Variants in RAX observed in about 807,000 individuals in gnomAD.
RAX encodes the protein retina and anterior neural fold homeobox.
RAX carries 11 observed loss-of-function variants against 17.4 expected under a neutral mutation model. That is an observed-to-expected ratio of 0.63 (90% CI 0.40 to 1.05). RAX has a LOEUF of 1.05. Among genes scored for constraint, RAX ranks in the 50% least tolerant of loss-of-function variants. The pLI is 0.00. For synonymous variants in RAX, 276 were observed against 254.7 expected (o/e 1.08, Z -0.80); for missense variants, 527 against 501.1 (o/e 1.05, Z -0.49).
intron 1 of RAX, 71 bp from the exon 2 acceptor site, chr18:59,272,685 T>C: frequency 6.6e-7 from 1 of 1,514,764 alleles, no homozygotes. Context: ...CGCCTCGCTG[T>C]GGGCACTGGC....
In RAX at chr18:59,273,009, C is replaced by T. The variant is rs892784454; in HGVS notation, c.198G>A (p.Arg66=). ...GARGAKERDR[R]LGARPACPKA... ...TGGGGCAGGCGGGCCGCGCGCCCAG[C>T]CTCCTATCCCGCTCCTTCGCGCCCC... is the stretch of plus-strand genomic sequence containing the variant. Residue 66 remains arginine, a synonymous_variant, in exon 1 of 3, where the codon AGG becomes AGA. Coordinates refer to ENST00000334889, the MANE Select transcript of RAX (RefSeq NM_013435.3). The T allele has an allele frequency of 2.1e-4, 316 of 1,527,908 alleles. No individual in the cohort carries two copies. Among genetic ancestry groups the T allele is most frequent in the Non-Finnish European group, 2.6e-4 (302 of 1,144,226 alleles). 94.6% of individuals were successfully genotyped at this position (1,527,908 alleles called of 1,614,324 possible).
In RAX at chr18:59,268,626, T is replaced by G; in HGVS notation, c.*378A>C. On this transcript the variant is annotated 3_prime_UTR_variant, in exon 3 of 3. Transcript: ENST00000334889. The surrounding 1 kb of genome is among the most constrained non-coding windows in gnomAD (Gnocchi z 4.4). Reference sequence around the variant, plus strand: ...TTCCGCCTCCCCTGCTTCCCTGTTATGGTTATCTGGGGGTCTCCAAGCCTC... The same window carrying G: ...TTCCGCCTCCCCTGCTTCCCTGTTAGGGTTATCTGGGGGTCTCCAAGCCTC... 8.5e-6 allele frequency: 3 copies of G among 353,596 alleles called. No homozygotes were observed. Among genetic ancestry groups the G allele is most frequent in the Non-Finnish European group, 1.5e-5 (3 of 194,168 alleles). The allele number at this position is 353,596 out of a possible 1,614,324, so 21.9% of individuals were successfully genotyped here. A position where few individuals can be genotyped will look rare whatever the true frequency, so the allele number is the denominator to read the frequency against.
chr18:59,269,303 G>A lies in RAX; in HGVS notation c.742C>T (p.Pro248Ser). The A allele has an allele frequency of 7.8e-7, 1 of 1,284,948 alleles. No individual in the cohort carries two copies. Among genetic ancestry groups the A allele is most frequent in the Non-Finnish European group, 9.8e-7 (1 of 1,022,242 alleles). 79.6% of individuals were successfully genotyped at this position (1,284,948 alleles called of 1,614,324 possible). ...ALPLESWLGP[P>S]LPGGGATALQ... The stretch of plus-strand genomic sequence containing the variant: ...GCCGTGGCGCCCCCGCCCGGCAGCG[G>A]CGGCCCGAGCCAGGACTCCAGCGGC... Residue 248 changes from proline to serine, a missense_variant, in exon 3 of 3, where the codon CCG becomes TCG. Coordinates refer to ENST00000334889, the MANE Select transcript of RAX (RefSeq NM_013435.3).
At chr18:59,272,736 T>G (rs1363906602) in intron 1 of RAX, 122 bp from the exon 2 acceptor site, 4 of 1,409,750 alleles carry the variant, frequency 2.8e-6, no homozygotes, top group Non-Finnish European at 3.7e-6. Flanking sequence ...GGGAGGTCCG[T>G]GGTGAGGGCG....
At position 59,269,247 on chromosome 18, in the gene RAX, C is replaced by G; in HGVS notation, c.798G>C (p.Pro266=). Residue 266 remains proline (P), a synonymous_variant, in exon 3 of 3, where the codon CCG becomes CCC. Coordinates refer to ENST00000334889, the MANE Select transcript of RAX (RefSeq NM_013435.3). ...ALQSLPGFGP[P]AQSLPASYTP... ...TGTAGCTGGCAGGCAGGCTCTGCGC[C>G]GGCGGCCCGAAGCCCGGCAGGCTCT... The G allele has an allele frequency of 6.7e-7, 1 of 1,503,470 alleles. No individual in the cohort carries two copies. The highest frequency in any genetic ancestry group is 8.8e-7 in the Non-Finnish European group (1 of 1,133,472). The allele number at this position is 1,503,470 out of a possible 1,614,324, so 93.1% of individuals were successfully genotyped here.
Position 59,273,200 on chromosome 18 carries a change from G to A in RAX, c.7C>T (p.Leu3=). ...GCCATGGCTGGCGCGCAGCCCGGCAGGTGCATGGGGAGCGCCGGGAGGCGG... is the reference window on the plus strand; with the variant it reads ...GCCATGGCTGGCGCGCAGCCCGGCAAGTGCATGGGGAGCGCCGGGAGGCGG... MH[L]PGCAPAMADG... is the part of the protein sequence containing the mutation. Residue 3 remains leucine, a synonymous_variant, in exon 1 of 3, where the codon CTG becomes TTG. Coordinates refer to ENST00000334889, the MANE Select transcript of RAX (RefSeq NM_013435.3). The A allele has an allele frequency of 1.3e-6, 2 of 1,527,490 alleles. No homozygotes were observed. The highest frequency in any genetic ancestry group is 1.8e-6 in the Non-Finnish European group (2 of 1,142,670). The allele number at this position is 1,527,490 out of a possible 1,614,324, so 94.6% of individuals were successfully genotyped here.
chr18:59,272,660 C>A, intron 1 of RAX, 46 bp from the exon 2 acceptor site: 3 of 1,561,978 alleles, frequency 1.9e-6, no homozygotes, highest in Non-Finnish European at 2.6e-6. Flanking sequence ...CCCCAAAACA[C>A]CCTTGGGCCG....
At position 59,272,374 on chromosome 18, in the gene RAX, T is replaced by C. The variant is rs745752090; in HGVS notation, c.530A>G (p.Glu177Gly). 2 of 1,614,218 alleles carry C rather than the reference T, an allele frequency of 1.2e-6. No individual in the cohort carries two copies. The highest frequency in any genetic ancestry group is 1.7e-6 in the Non-Finnish European group (2 of 1,180,044). ...EELAGKVNLP[E>G]VRVQVWFQNR... The stretch of plus-strand genomic sequence containing the variant: ...TGGGCGCTTTACCTGGACCCGGACC[T>C]CTGGTAGGTTGACCTTGCCGGCCAG... The change falls in exon 2 of 3, where the codon GAG becomes GGG. Residue 177 changes from glutamate (E) to glycine (G), a missense_variant. Coordinates refer to ENST00000334889, the MANE Select transcript of RAX (RefSeq NM_013435.3).
intron 2 of RAX, among the ~76,000 whole-genome samples, chr18:59,271,206 A>G (rs1447627988): frequency 6.6e-6 from 1 of 152,248 alleles, no homozygotes. Flanking sequence ...GTAATGAGGG[A>G]GGATGCAGGT....
At position 59,269,205 on chromosome 18, in the gene RAX, A is replaced by AGGCGGC. The variant is rs775122318; in HGVS notation, c.834_839dup (p.Pro281_Pro282dup). The AGGCGGC allele has an allele frequency of 1.3e-6, 2 of 1,535,368 alleles. No homozygotes were observed. The highest frequency in any genetic ancestry group is 2.5e-5 in the East Asian group (1 of 40,254). ...ACGGCGGGGAGTTCAGGAAGGGCGGAGGCGGCGGCGGTGGCGTGTAGCTGG... is the reference window on the plus strand; with the variant it reads ...ACGGCGGGGAGTTCAGGAAGGGCGGAGGCGGCGGCGGCGGCGGTGGCGTGTAGCTGG... On this transcript the variant is annotated inframe_insertion, in exon 3 of 3. Transcript: ENST00000334889.
chr18:59,268,615 CT>C lies in RAX; in HGVS notation c.*388del. The C allele has an allele frequency of 3.1e-6, 1 of 323,394 alleles. No individual in the cohort carries two copies. Among genetic ancestry groups the C allele is most frequent in the Non-Finnish European group, 5.7e-6 (1 of 176,000 alleles). The allele number at this position is 323,394 out of a possible 1,614,324, so 20.0% of individuals were successfully genotyped here. On this transcript the variant is annotated 3_prime_UTR_variant, in exon 3 of 3. Coordinates refer to ENST00000334889, the MANE Select transcript of RAX (RefSeq NM_013435.3). The surrounding 1 kb of genome is among the most constrained non-coding windows in gnomAD (Gnocchi z 4.4). The stretch of plus-strand genomic sequence containing the variant: ...AAACTCTATTTTTCCGCCTCCCCTG[CT>C]TCCCTGTTATGGTTATCTGGGGGTC...
intron 2 of RAX, 104 bp from the exon 3 acceptor site, chr18:59,269,605 A>G: frequency 7.6e-7 from 1 of 1,321,478 alleles, no homozygotes; most frequent in Non-Finnish European, 1.0e-6. Flanking sequence ...GTCCCCCTCA[A>G]ATAAAACTAG....
At position 59,269,553 on chromosome 18, in the gene RAX, G is replaced by A. The variant is rs527545577; in HGVS notation, c.544-52C>T. ...GGGCAGCAGCGGAGGCTGCGGCCGC[G>A]TCCCCAACCCTGAGCCGGTTCAGCT... On this transcript the variant is annotated intron_variant, in intron 2 of 2. Transcript: ENST00000334889. 255 of 1,583,998 alleles carry A rather than the reference G, an allele frequency of 1.6e-4. 2 individuals are homozygous for A. The East Asian group carries it at 5.6e-3, about 35-fold the overall frequency.
At position 59,268,841 on chromosome 18, in the gene RAX, G is replaced by T. The variant is rs572356915; in HGVS notation, c.*163C>A. ...AGGCCTGAAAGTCGCCCTTCTCCCC[G>T]TGCATCGGGAGCAGGCGCGTGGCCC... On this transcript the variant is annotated 3_prime_UTR_variant, in exon 3 of 3. Transcript: ENST00000334889. This position sits in a 1 kb window ranked among gnomAD's most constrained non-coding sequence, Gnocchi z 4.4. The T allele has an allele frequency of 3.3e-6, 4 of 1,197,814 alleles. No homozygotes were observed. In the African/African-American group the frequency reaches 4.5e-5, roughly 14 times the overall value. The allele number at this position is 1,197,814 out of a possible 1,614,324, so 74.2% of individuals were successfully genotyped here.
chr18:59,269,081 T>TG lies in RAX; in HGVS notation c.963dup (p.Asn322GlnfsTer165). The TG allele has an allele frequency of 6.2e-7, 1 of 1,612,600 alleles. No homozygotes were observed. Among genetic ancestry groups the TG allele is most frequent in the Non-Finnish European group, 8.5e-7 (1 of 1,179,684 alleles). ...AGACGCAGCGCCGCGATGCTGCTGT[T>TG]GCGCGGGTCCGCCTCGTCCAGCGGG... On this transcript the variant is annotated frameshift_variant, in exon 3 of 3. Coordinates refer to ENST00000334889, the MANE Select transcript of RAX (RefSeq NM_013435.3). LOFTEE classifies it high-confidence loss of function.
At position 59,269,390 on chromosome 18, in the gene RAX, C is replaced by T; in HGVS notation, c.655G>A (p.Ala219Thr). ...CCCGCCCCGAGGGGCGACAGCGTCGCGGAGGGCGGGGAGCGGCTGAAGGAG... is the reference window on the plus strand; with the variant it reads ...CCCGCCCCGAGGGGCGACAGCGTCGTGGAGGGCGGGGAGCGGCTGAAGGAG... Reference protein sequence around the residue: ...LLSFSRSPPSATLSPLGAGPG... With the variant: ...LLSFSRSPPSTTLSPLGAGPG... The change falls in exon 3 of 3, where the codon GCG (alanine) becomes ACG (threonine). Residue 219 changes from alanine (A) to threonine (T), a missense_variant. By Grantham distance (58) the Ala-to-Thr change is moderately conservative. Coordinates refer to ENST00000334889, the MANE Select transcript of RAX (RefSeq NM_013435.3). 3 of 1,512,024 alleles carry T rather than the reference C, an allele frequency of 2.0e-6. No individual in the cohort carries two copies. The highest frequency in any genetic ancestry group is 3.7e-4 in the Middle Eastern group (2 of 5,402). The allele number at this position is 1,512,024 out of a possible 1,614,324, so 93.7% of individuals were successfully genotyped here.
chr18:59,269,512 G>C lies in RAX; in HGVS notation c.544-11C>G, dbSNP rs200098438. ...GTTCTGGAACCACACCTGCAGGAGA[G>C]AGCACAGGGGCCGTCGGGCAGCAGC... is the stretch of plus-strand genomic sequence containing the variant. On this transcript the variant is annotated splice_polypyrimidine_tract_variant and intron_variant, in intron 2 of 2. Transcript: ENST00000334889. The C allele has an allele frequency of 1.3e-3, 2,007 of 1,595,402 alleles. 4 individuals carry two copies. Among genetic ancestry groups the C allele is most frequent in the Middle Eastern group, 4.0e-3 (24 of 6,042 alleles).
intron 2 of RAX, among the ~76,000 whole-genome samples, chr18:59,272,043 G>A (rs1385835940): frequency 6.6e-6 from 1 of 152,122 alleles, no homozygotes; most frequent in Non-Finnish European, 1.5e-5. Context: ...TTTCCACTCA[G>A]CAACCCCCAA....
chr18:59,272,296 A>C, intron 2 of RAX, 65 bp downstream of exon 2: 1 of 1,609,806 alleles, frequency 6.2e-7, no homozygotes. Context: ...AATTCCGAGA[A>C]GCATTGGCTG....
Sources: gnomAD v4.1 joint callset for allele counts (sites outside exome capture counted in the v4.1 genomes callset) on GRCh38, gnomAD v4.1.1 for gene constraint, Gnocchi (gnomAD v3.1) non-coding constraint, MANE v1.5 for transcripts, NCBI Gene and HGNC (gene_info 2026-07-23, HGNC 2026-07-21) for gene names.